The following EXOC6B variants were observed in gnomAD, a reference collection of about 807,000 sequenced individuals.
EXOC6B encodes SEC15 homolog B.
Under a neutral mutation model 113.5 loss-of-function variants are expected in EXOC6B, and 54 were observed. That is an observed-to-expected ratio of 0.48 (90% CI 0.38 to 0.60). The LOEUF (loss-of-function observed/expected upper bound fraction) is 0.60, where lower values mean the gene tolerates loss of function less well. Ranked by LOEUF, EXOC6B falls within the 20% of genes least tolerant of loss-of-function variation. EXOC6B has a pLI of 0.00. For synonymous variants in EXOC6B, 357 were observed against 339.0 expected, an observed-to-expected ratio of 1.05 and a Z score of -0.58; for missense variants, 797 against 977.5, an observed-to-expected ratio of 0.82 and a Z score of 2.46.
In EXOC6B at chr2:72,333,745, G is replaced by A. The variant is rs1240635151; in HGVS notation, c.2196+1202C>T. Reference sequence around the variant, plus strand: ...GACACACGTTTCTGGGACACAGCCTGAATCCTCAAACTTTGGCAGGTCTAT... The same window carrying A: ...GACACACGTTTCTGGGACACAGCCTAAATCCTCAAACTTTGGCAGGTCTAT... On this transcript the variant is annotated intron_variant, in intron 20 of 21. Transcript: ENST00000272427. Among the ~76,000 whole-genome samples the A allele has an allele frequency of 2.0e-5, 3 of 152,046 alleles. No individual in the cohort carries two copies. In the East Asian group the frequency reaches 5.8e-4, roughly 29 times the overall value.
intron 6 of EXOC6B, among the ~76,000 whole-genome samples, chr2:72,616,189 T>C (rs1335466421): frequency 6.6e-6 from 1 of 152,106 alleles, no homozygotes; most frequent in East Asian, 1.9e-4. Flanking sequence ...ATTGTTAAAA[T>C]GGACGTACTA....
intron 18 of EXOC6B, among the ~76,000 whole-genome samples, chr2:72,425,090 A>G (rs1382467029): frequency 1.3e-5 from 2 of 152,122 alleles, no homozygotes; most frequent in African/African-American, 2.4e-5. Context: ...ACATAGCATC[A>G]CAATTTGAAC....
intron 1 of EXOC6B, among the ~76,000 whole-genome samples, chr2:72,809,286 A>G (rs1248622878): frequency 6.6e-6 from 1 of 152,248 alleles, no homozygotes; most frequent in East Asian, 1.9e-4. Flanking sequence ...ATAGAGATCA[A>G]CAAAGTGGAT....
chr2:72,585,094 G>A (rs1010319202), intron 6 of EXOC6B, among the ~76,000 whole-genome samples: 4 of 151,954 alleles, frequency 2.6e-5, no homozygotes, highest in Non-Finnish European at 5.9e-5. Context: ...ATCATACCTA[G>A]AGAAATGAGA....
intron 20 of EXOC6B, among the ~76,000 whole-genome samples, chr2:72,192,127 C>T (rs1321601900): frequency 1.3e-5 from 2 of 152,114 alleles, no homozygotes; most frequent in South Asian, 2.1e-4. Context: ...GGGATATGAG[C>T]CTCATCTCCC....
At chr2:72,556,839 A>G (rs1346819646) in intron 8 of EXOC6B, among the ~76,000 whole-genome samples, 1 of 152,106 alleles carries the variant, frequency 6.6e-6, no homozygotes, top group African/African-American at 2.4e-5. Flanking sequence ...CATTGAACAT[A>G]ACATAGACAT....
intron 19 of EXOC6B, among the ~76,000 whole-genome samples, chr2:72,341,109 C>T (rs1247687683): frequency 4.6e-5 from 7 of 152,022 alleles, no homozygotes; most frequent in Non-Finnish European, 5.9e-5. Context: ...AAAATAGATA[C>T]CATTAATTAT....
intron 18 of EXOC6B, among the ~76,000 whole-genome samples, chr2:72,421,760 T>C (rs1320356155): frequency 6.6e-6 from 1 of 152,218 alleles, no homozygotes; most frequent in Non-Finnish European, 1.5e-5. Flanking sequence ...GCCGCTGCAC[T>C]GTGGGAGCCC....
intron 1 of EXOC6B, among the ~76,000 whole-genome samples, chr2:72,750,017 G>T (rs905120278): frequency 5.3e-5 from 8 of 150,486 alleles, no homozygotes; most frequent in African/African-American, 1.7e-4. Context: ...TATATATGTG[G>T]GTGACACATA....
intron 18 of EXOC6B, among the ~76,000 whole-genome samples, chr2:72,404,340 C>A (rs1364709917): frequency 2.0e-5 from 3 of 152,240 alleles, no homozygotes; most frequent in African/African-American, 7.2e-5. Flanking sequence ...ATGTCCCTGT[C>A]TGACCACTTT....
At chr2:72,380,078 T>C (rs1691595856) in intron 18 of EXOC6B, among the ~76,000 whole-genome samples, 1 of 152,330 alleles carries the variant, frequency 6.6e-6, no homozygotes, top group Middle Eastern at 3.4e-3. Context: ...TCAGTCATGG[T>C]AGCTGTAACA....
At chr2:72,653,340 G>A (rs1558884493) in intron 6 of EXOC6B, among the ~76,000 whole-genome samples, 1 of 141,152 alleles carries the variant, frequency 7.1e-6, no homozygotes, top group Non-Finnish European at 1.5e-5. Flanking sequence ...CTCACTCATA[G>A]GTGGGAATTG....
At chr2:72,249,475 C>T (rs528200128) in intron 20 of EXOC6B, among the ~76,000 whole-genome samples, 6 of 151,374 alleles carry the variant, frequency 4.0e-5, no homozygotes, top group Non-Finnish European at 8.8e-5. Context: ...CAGGATGAGA[C>T]CTTGTCTCTT....
rs1672446463 is a variant in EXOC6B at position 72,631,457 on chromosome 2, TATATAG to T, written c.670-55795_670-55790del. The stretch of plus-strand genomic sequence containing the variant: ...ATATATATATATATATATATATATA[TATATAG>T]AGAGAGAGAGAGAGAGAGAGAGAGA... On this transcript the variant is annotated intron_variant, in intron 6 of 21. Transcript: ENST00000272427. 7.5e-4 allele frequency among the ~76,000 whole-genome samples: 8 copies of T among 10,648 alleles called. 1 individual carries two copies. Among genetic ancestry groups the T allele is most frequent in the Admixed American group, 1.6e-3 (1 of 636 alleles). 7.0% of individuals were successfully genotyped at this position (10,648 alleles called of 152,430 possible).
Position 72,693,214 on chromosome 2 carries a change from A to G in EXOC6B, c.669+24889T>C, listed in dbSNP as rs2104597559. Among the ~76,000 whole-genome samples the G allele has an allele frequency of 2.0e-5, 3 of 152,230 alleles. No individual in the cohort carries two copies. The East Asian group carries it at 5.8e-4, about 29-fold the overall frequency. ...AAAAATATAACACATCTCAGAAAAC[A>G]CTTAAAAGCAAAACAGACTCAGATG... On this transcript the variant is annotated intron_variant, in intron 6 of 21. Transcript: ENST00000272427.
At chr2:72,822,265 A>G (rs982453559) in intron 1 of EXOC6B, among the ~76,000 whole-genome samples, 1 of 152,254 alleles carries the variant, frequency 6.6e-6, no homozygotes, top group Non-Finnish European at 1.5e-5. Context: ...TTAACATCTT[A>G]CAGGCCTCTT....
rs1187388057 is a variant in EXOC6B, at chr2:72,625,071, G to C, written c.670-49403C>G. Among the ~76,000 whole-genome samples the C allele has an allele frequency of 1.4e-5, 2 of 147,418 alleles. 1 individual carries two copies. Among genetic ancestry groups the C allele is most frequent in the East Asian group, 4.1e-4 (2 of 4,888 alleles). ...ACATATAGAAGTTTTTTTTTGGGGG[G>C]GGGGTGGGTTGTTTTGTTTTGTTTT... On this transcript the variant is annotated intron_variant, in intron 6 of 21. Transcript: ENST00000272427.
chr2:72,788,973 C>T (rs1255113439), intron 1 of EXOC6B, among the ~76,000 whole-genome samples: 1 of 152,182 alleles, frequency 6.6e-6, no homozygotes, highest in Non-Finnish European at 1.5e-5. Flanking sequence ...CACAACTTCC[C>T]CACTGAATTC....
chr2:72,470,343 T>A (rs1355367500), intron 17 of EXOC6B, among the ~76,000 whole-genome samples: 1 of 152,214 alleles, frequency 6.6e-6, no homozygotes, highest in Non-Finnish European at 1.5e-5. Flanking sequence ...TTGAAGCTAT[T>A]GTAAATAGGA....
Sources: allele counts gnomAD v4.1 joint callset (sites outside exome capture counted in the v4.1 genomes callset), GRCh38; gene constraint gnomAD v4.1.1; transcripts MANE v1.5; gene names NCBI Gene and HGNC (gene_info 2026-07-23, HGNC 2026-07-21).